The following RNF182 variants were observed in gnomAD, a reference collection of about 807,000 sequenced individuals.
The protein encoded by RNF182 is ring finger protein 182, also known as E3 ubiquitin-protein ligase RNF182.
A neutral mutation model predicts 14.4 loss-of-function variants in RNF182; 15 were observed. The observed-to-expected ratio is 1.04, with a 90% CI of 0.70 to 1.60. The LOEUF (loss-of-function observed/expected upper bound fraction) is 1.60. RNF182 is among the 40% of genes most tolerant of loss of function. The probability of loss-of-function intolerance (pLI) is 0.00; values close to 1 mark genes in which losing one functional copy is unlikely to be tolerated. For missense variants in RNF182, 268 were observed against 294.8 expected (o/e 0.91, Z 0.67); for synonymous variants, 128 against 122.9 (o/e 1.04, Z -0.27).
intron 1 of RNF182, among the ~76,000 whole-genome samples, chr6:13,926,336 C>A (rs1486513916): frequency 6.6e-6 from 1 of 152,160 alleles, no homozygotes; most frequent in African/African-American, 2.4e-5. Context: ...AGGTGTCAGG[C>A]AAAGAGTGAT....
intron 1 of RNF182, among the ~76,000 whole-genome samples, chr6:13,963,404 C>T (rs1759930372): frequency 1.3e-5 from 2 of 152,120 alleles, no homozygotes; most frequent in Non-Finnish European, 2.9e-5. Context: ...TACAAAAGCA[C>T]CTCAAAACTA....
chr6:13,927,682 G>A (rs1017209526), intron 1 of RNF182, among the ~76,000 whole-genome samples: 2 of 152,224 alleles, frequency 1.3e-5, no homozygotes, highest in Non-Finnish European at 2.9e-5. Context: ...GCCTGCATAG[G>A]CAGCCTAAAT....
intron 1 of RNF182, among the ~76,000 whole-genome samples, chr6:13,960,892 TAGGAAAGAAATTAGTCTAATGGA>T (rs908287213): frequency 1.3e-5 from 2 of 152,138 alleles, no homozygotes; most frequent in Non-Finnish European, 2.9e-5. Flanking sequence ...AAGAAATTAA[TAGGAAAGAAATTAGTCTAATGGA>T]AGAAGATTCA....
intron 1 of RNF182, among the ~76,000 whole-genome samples, chr6:13,966,689 C>G (rs1031343234): frequency 6.6e-6 from 1 of 151,960 alleles, no homozygotes; most frequent in Non-Finnish European, 1.5e-5. Flanking sequence ...CTTGACCCCG[C>G]GGGGTGGAGG....
chr6:13,941,064 G>T (rs1759286573), intron 1 of RNF182, among the ~76,000 whole-genome samples: 2 of 151,604 alleles, frequency 1.3e-5, no homozygotes, highest in Non-Finnish European at 2.9e-5. Context: ...TGCAGAATTT[G>T]GTGCACATAG....
intron 1 of RNF182, among the ~76,000 whole-genome samples, chr6:13,955,016 C>T (rs373800433): frequency 2.0e-5 from 3 of 152,254 alleles, no homozygotes; most frequent in Admixed American, 6.5e-5. Flanking sequence ...GTGTGTCATC[C>T]GCCTCCTTAT....
At chr6:13,970,857 T>G (rs140771639) in intron 1 of RNF182, among the ~76,000 whole-genome samples, 62 of 152,346 alleles carry the variant, frequency 4.1e-4, no homozygotes, top group African/African-American at 1.4e-3. Context: ...ACATTTTGAA[T>G]GTAGAAAAAT....
Sources: allele counts gnomAD v4.1 joint callset (sites outside exome capture counted in the v4.1 genomes callset), GRCh38; gene constraint gnomAD v4.1.1; transcripts MANE v1.5; gene names NCBI Gene and HGNC (gene_info 2026-07-23, HGNC 2026-07-21).